Variants in PROCR observed in about 807,000 individuals in gnomAD.
The protein encoded by PROCR is protein C receptor, also known as endothelial protein C receptor.
PROCR carries 22 observed loss-of-function variants against 24.2 expected under a neutral mutation model. The ratio of observed to expected loss-of-function variants is 0.91; its 90% CI spans 0.65 to 1.30. The LOEUF (loss-of-function observed/expected upper bound fraction) is 1.30. Among genes scored for constraint, PROCR ranks in the 50% most tolerant of loss-of-function variants. The pLI is 0.00. For synonymous variants in PROCR, 137 were observed against 139.2 expected (o/e 0.98, Z 0.11); for missense variants, 288 against 307.7 (o/e 0.94, Z 0.48).
intron 1 of PROCR, among the ~76,000 whole-genome samples, chr20:35,173,244 C>T (rs975652376): frequency 6.6e-6 from 1 of 151,878 alleles, no homozygotes; most frequent in Non-Finnish European, 1.5e-5. Flanking sequence ...TAGAGGAGTC[C>T]AGTGTGGCCT....
intron 1 of PROCR, among the ~76,000 whole-genome samples, chr20:35,200,914 C>T (rs1008276173): frequency 6.6e-6 from 1 of 152,132 alleles, no homozygotes; most frequent in Non-Finnish European, 1.5e-5. Flanking sequence ...TCACAAATTG[C>T]TAAGATTACA....
intron 1 of PROCR, among the ~76,000 whole-genome samples, chr20:35,184,291 CAT>C (rs2086103619): frequency 6.6e-6 from 1 of 152,126 alleles, no homozygotes; most frequent in South Asian, 2.1e-4. Flanking sequence ...CAAACAAAAA[CAT>C]AAAAGTGGGG....
chr20:35,208,238 T>C (rs569546380), intron 1 of PROCR, among the ~76,000 whole-genome samples: 6 of 152,236 alleles, frequency 3.9e-5, no homozygotes, highest in Non-Finnish European at 8.8e-5. Flanking sequence ...GCTCTGGGCA[T>C]AGGCCAGTCT....
At chr20:35,212,921 T>C (rs555454832) in intron 1 of PROCR, among the ~76,000 whole-genome samples, 1 of 152,338 alleles carries the variant, frequency 6.6e-6, no homozygotes, top group South Asian at 2.1e-4. Context: ...TAACACTCTG[T>C]AGTATCCAAC....
intron 2 of PROCR, 47 bp from the exon 3 acceptor site, chr20:35,176,121 T>A: frequency 2.5e-6 from 4 of 1,586,546 alleles, no homozygotes; most frequent in Non-Finnish European, 3.5e-6. Flanking sequence ...GCCCCACACC[T>A]GGCACCCTCT....
intron 1 of PROCR, among the ~76,000 whole-genome samples, chr20:35,215,366 T>C (rs1189306579): frequency 6.6e-6 from 1 of 152,236 alleles, no homozygotes; most frequent in Non-Finnish European, 1.5e-5. Context: ...CAAATGCTAC[T>C]TCCTTTTGGA....
Position 35,176,179 on chromosome 20 carries a change from A to G in PROCR, c.334A>G (p.Ile112Val), listed in dbSNP as rs748947928. The G allele has an allele frequency of 1.2e-6, 2 of 1,613,956 alleles. No homozygotes were observed. The highest frequency in any genetic ancestry group is 4.5e-5 in the East Asian group (2 of 44,850). Residue 112 changes from isoleucine (I) to valine (V), a missense_variant, in exon 3 of 4, where the codon ATC (isoleucine) becomes GTC (valine). Ile to Val is a conservative substitution (Grantham distance 29). Transcript: ENST00000216968. ...QERTLAFPLTIRCFLGCELPP... is the reference protein window; with the variant it reads ...QERTLAFPLTVRCFLGCELPP... ...CTGTCTATCCACAGTTCCTCTGACC[A>G]TCCGCTGCTTCCTGGGCTGTGAGCT...
At chr20:35,176,659 G>T in intron 3 of PROCR, 39 bp from the exon 4 acceptor site, 1 of 1,580,806 alleles carries the variant, frequency 6.3e-7, no homozygotes, top group Non-Finnish European at 8.6e-7. Context: ...GACTCCTTGG[G>T]GGCCTATTCT....
Position 35,176,373 on chromosome 20 carries a change from T to G in PROCR, c.528T>G (p.Tyr176Ter). ...TCAATGCCTACAACCGCACTCGGTA[T>G]GAACTGCGGGAATTCCTGGAGGACA... ...QQLNAYNRTR[Y>*]ELREFLEDTC... is the part of the protein sequence containing the mutation. The change falls in exon 3 of 4, where the codon TAT becomes TAG. Residue 176 changes from tyrosine (Y) to a stop codon, truncating the protein, a stop_gained. Transcript: ENST00000216968. LOFTEE classifies it high-confidence loss of function. 1 of 1,614,236 alleles carries G rather than the reference T, an allele frequency of 6.2e-7. No individual in the cohort carries two copies. Among genetic ancestry groups the G allele is most frequent in the Non-Finnish European group, 8.5e-7 (1 of 1,180,046 alleles).
chr20:35,189,640 CA>C (rs1277496294), intron 1 of PROCR, among the ~76,000 whole-genome samples: 9 of 152,164 alleles, frequency 5.9e-5, no homozygotes, highest in African/African-American at 1.4e-4. Context: ...TTTTACGGCT[CA>C]GGGGGCATCA....
intron 1 of PROCR, among the ~76,000 whole-genome samples, chr20:35,193,554 T>C (rs1600745523): frequency 6.6e-6 from 1 of 152,346 alleles, no homozygotes; most frequent in African/African-American, 2.4e-5. Context: ...ATTTATAATT[T>C]GAGCACTTTC....
chr20:35,192,521 T>C (rs1403785391), intron 1 of PROCR, among the ~76,000 whole-genome samples: 1 of 152,168 alleles, frequency 6.6e-6, no homozygotes, highest in Non-Finnish European at 1.5e-5. Context: ...CCATACATCT[T>C]TCTGCAGCTG....
chr20:35,174,568 C>A, intron 1 of PROCR, 134 bp from the exon 2 acceptor site: 8 of 1,076,144 alleles, frequency 7.4e-6, no homozygotes, highest in South Asian at 1.3e-5. Context: ...ACGGGAGAAG[C>A]GGTGGGAGGG....
chr20:35,186,566 CAAA>C (rs571639984), intron 1 of PROCR, among the ~76,000 whole-genome samples: 4 of 50,116 alleles, frequency 8.0e-5, no homozygotes, highest in Non-Finnish European at 4.0e-5. Flanking sequence ...AACTCCATCT[CAAA>C]AAAAAAAAAA....
rs900068008 is a variant in PROCR, at chr20:35,176,362, C to G, written c.517C>G (p.Arg173Gly). Residue 173 changes from arginine (R) to glycine (G), a missense_variant, in exon 3 of 4, where the codon CGC (arginine) becomes GGC (glycine). Coordinates refer to ENST00000216968, the MANE Select transcript of PROCR (RefSeq NM_006404.5). ...CCTGCAGCAGCTCAATGCCTACAAC[C>G]GCACTCGGTATGAACTGCGGGAATT... is the stretch of plus-strand genomic sequence containing the variant. ...FTLQQLNAYN[R>G]TRYELREFLE... is the part of the protein sequence containing the mutation. The G allele has an allele frequency of 3.7e-6, 6 of 1,614,114 alleles. No homozygotes were observed. Among genetic ancestry groups the G allele is most frequent in the Non-Finnish European group, 5.1e-6 (6 of 1,180,042 alleles).
At chr20:35,207,399 T>C (rs1216163247) in intron 1 of PROCR, among the ~76,000 whole-genome samples, 3 of 151,040 alleles carry the variant, frequency 2.0e-5, no homozygotes, top group Non-Finnish European at 4.4e-5. Context: ...TGTGTATATA[T>C]ATATATATAT....
chr20:35,177,683 C>T (rs997237648), downstream of PROCR, among the ~76,000 whole-genome samples: 1 of 151,888 alleles, frequency 6.6e-6, no homozygotes, highest in Admixed American at 6.6e-5. Context: ...CCGCCTACCT[C>T]GGCCTCCCCA....
At chr20:35,173,334 A>G (rs1486447341) in intron 1 of PROCR, among the ~76,000 whole-genome samples, 1 of 151,646 alleles carries the variant, frequency 6.6e-6, no homozygotes, top group Non-Finnish European at 1.5e-5. Context: ...TGAAACAGAC[A>G]CACTGTGTCT....
At chr20:35,204,425 T>C (rs6060306) in intron 1 of PROCR, among the ~76,000 whole-genome samples, 5 of 150,548 alleles carry the variant, frequency 3.3e-5, no homozygotes, top group African/African-American at 1.2e-4. Context: ...TTTTCTCTTT[T>C]CTTTTCTTTC....
Sources: allele counts gnomAD v4.1 joint callset (sites outside exome capture counted in the v4.1 genomes callset), GRCh38; gene constraint gnomAD v4.1.1; transcripts MANE v1.5; gene names NCBI Gene and HGNC (gene_info 2026-07-23, HGNC 2026-07-21).